The following SNTG1 variants were observed in gnomAD, a reference collection of about 807,000 sequenced individuals.
The protein encoded by SNTG1 is syntrophin gamma 1, also known as gamma-1-syntrophin.
In SNTG1, 39 loss-of-function variants were observed where a neutral mutation model predicts 74.7. That is an observed-to-expected ratio of 0.52 (90% confidence interval 0.40 to 0.68). SNTG1 has a LOEUF of 0.68. Among genes scored for constraint, SNTG1 ranks in the 30% least tolerant of loss-of-function variants. The pLI is 0.00. For synonymous variants in SNTG1, 254 were observed against 217.1 expected, an observed-to-expected ratio of 1.17 and a Z score of -1.49; for missense variants, 685 against 609.5, an observed-to-expected ratio of 1.12 and a Z score of -1.30.
intron 2 of SNTG1, among the ~76,000 whole-genome samples, chr8:50,221,497 CT>C (rs2085064320): frequency 6.9e-6 from 1 of 144,010 alleles, no homozygotes; most frequent in Non-Finnish European, 1.5e-5. Context: ...TCTGCTACCC[CT>C]CCCAACACAC....
rs957226663 is a variant in SNTG1, at chr8:50,155,543, T to A, written c.-102-17018T>A. Reference sequence around the variant, plus strand: ...TGACACTACAGAATTAAATAAGAGATAAAATATTCTATAATGTTTAGAAAT... The same window carrying A: ...TGACACTACAGAATTAAATAAGAGAAAAAATATTCTATAATGTTTAGAAAT... On this transcript the variant is annotated intron_variant, in intron 1 of 18. Coordinates refer to ENST00000642720, the MANE Select transcript of SNTG1 (RefSeq NM_018967.5). 2.6e-5 allele frequency among the ~76,000 whole-genome samples: 4 copies of A among 152,174 alleles called. No individual in the cohort carries two copies. The East Asian group carries it at 7.7e-4, about 29-fold the overall frequency.
chr8:50,359,919 GT>G (rs1427117749), intron 2 of SNTG1, among the ~76,000 whole-genome samples: 1 of 151,788 alleles, frequency 6.6e-6, no homozygotes, highest in Non-Finnish European at 1.5e-5. Flanking sequence ...CCACATGAGT[GT>G]GTTACAGATT....
At chr8:50,177,760 T>C (rs774956807) in intron 2 of SNTG1, among the ~76,000 whole-genome samples, 1 of 152,202 alleles carries the variant, frequency 6.6e-6, no homozygotes, top group African/African-American at 2.4e-5. Flanking sequence ...AAATGAGTGC[T>C]TTGTGTTGCA....
intron 2 of SNTG1, among the ~76,000 whole-genome samples, chr8:50,307,073 A>G (rs747356270): frequency 2.0e-5 from 3 of 152,014 alleles, no homozygotes; most frequent in Non-Finnish European, 4.4e-5. Context: ...TTTCATTTAT[A>G]TATGGTGTTT....
intron 1 of SNTG1, among the ~76,000 whole-genome samples, chr8:50,150,530 T>A (rs1301358604): frequency 6.6e-6 from 1 of 152,162 alleles, no homozygotes; most frequent in Non-Finnish European, 1.5e-5. Context: ...GGCTGTGGGT[T>A]TGTCATAAAT....
At position 50,598,543 on chromosome 8, in the gene SNTG1, G is replaced by T. The variant is rs111229506; in HGVS notation, c.849+7626G>T. ...CCTTAACTTTGTTCTTTGTGTTCAAGATGGCTTTGACTACTGGGAGTCTTT... is the reference window on the plus strand; with the variant it reads ...CCTTAACTTTGTTCTTTGTGTTCAATATGGCTTTGACTACTGGGAGTCTTT... On this transcript the variant is annotated intron_variant, in intron 13 of 18. Transcript: ENST00000642720. Among the ~76,000 whole-genome samples, 1,218 of 151,954 alleles carry T rather than the reference G, an allele frequency of 8.0e-3. 15 individuals carry two copies. The highest frequency in any genetic ancestry group is 0.027 in the African/African-American group (1,112 of 41,512).
intron 1 of SNTG1, among the ~76,000 whole-genome samples, chr8:50,073,864 T>G (rs1821591374): frequency 6.6e-6 from 1 of 151,178 alleles, no homozygotes; most frequent in African/African-American, 2.4e-5. Context: ...AACAGTGGGC[T>G]TAAAATATTT....
intron 2 of SNTG1, among the ~76,000 whole-genome samples, chr8:50,178,783 C>G (rs567333245): frequency 1.3e-5 from 2 of 152,268 alleles, no homozygotes; most frequent in South Asian, 4.1e-4. Flanking sequence ...CTGATGTTAT[C>G]TCTGTGTGAC....
At chr8:50,230,539 T>TAAGG (rs1276567745) in intron 2 of SNTG1, among the ~76,000 whole-genome samples, 1 of 151,296 alleles carries the variant, frequency 6.6e-6, no homozygotes, top group Non-Finnish European at 1.5e-5. Flanking sequence ...TTATTACTAT[T>TAAGG]AAGGAAATAG....
intron 2 of SNTG1, among the ~76,000 whole-genome samples, chr8:50,196,228 A>C (rs2083763176): frequency 6.6e-6 from 1 of 152,130 alleles, no homozygotes; most frequent in Non-Finnish European, 1.5e-5. Flanking sequence ...AAAGCACTTA[A>C]ATAATTGTCA....
intron 10 of SNTG1, among the ~76,000 whole-genome samples, chr8:50,530,899 A>G (rs993457422): frequency 3.3e-5 from 5 of 152,210 alleles, no homozygotes; most frequent in African/African-American, 9.6e-5. Flanking sequence ...ACACTCACAC[A>G]TTCTTAAAGA....
At position 50,166,566 on chromosome 8, in the gene SNTG1, T is replaced by A. The variant is rs1243261429; in HGVS notation, c.-102-5995T>A. Among the ~76,000 whole-genome samples, 108 of 41,782 alleles carry A rather than the reference T, an allele frequency of 2.6e-3. 3 individuals are homozygous for A. The highest frequency in any genetic ancestry group is 0.012 in the African/African-American group (97 of 7,886). The allele number at this position is 41,782 out of a possible 152,430, so 27.4% of individuals were successfully genotyped here. ...TCAGAGAAATGCAAATCAAAACCAC[T>A]ATGAGATATCATCTCACACCAGTTA... On this transcript the variant is annotated intron_variant, in intron 1 of 18. Transcript: ENST00000642720.
intron 8 of SNTG1, among the ~76,000 whole-genome samples, chr8:50,491,823 A>C (rs2093857388): frequency 6.6e-6 from 1 of 151,940 alleles, no homozygotes; most frequent in South Asian, 2.1e-4. Context: ...GGTTTGCTGC[A>C]CCCATCAACC....
intron 1 of SNTG1, among the ~76,000 whole-genome samples, chr8:50,023,761 A>G (rs1047045327): frequency 6.6e-6 from 1 of 152,178 alleles, no homozygotes; most frequent in Admixed American, 6.5e-5. Flanking sequence ...ATATTTAGTA[A>G]GTCAATCTTC....
At chr8:50,730,998 A>C (rs186377859) in intron 17 of SNTG1, among the ~76,000 whole-genome samples, 5 of 152,348 alleles carry the variant, frequency 3.3e-5, no homozygotes, top group South Asian at 2.1e-4. Flanking sequence ...TATTACTTCT[A>C]ATTTACAGTA....
chr8:50,686,398 A>T (rs952502752), intron 15 of SNTG1, among the ~76,000 whole-genome samples: 33 of 152,314 alleles, frequency 2.2e-4, no homozygotes, highest in African/African-American at 7.5e-4. Context: ...AATTATAGCC[A>T]ACTTTGGTGG....
intron 2 of SNTG1, among the ~76,000 whole-genome samples, chr8:50,354,373 G>A (rs1042473003): frequency 1.3e-5 from 2 of 152,114 alleles, no homozygotes; most frequent in African/African-American, 2.4e-5. Context: ...ATCACATAGA[G>A]TTGGAAATAC....
intron 18 of SNTG1, among the ~76,000 whole-genome samples, chr8:50,757,228 G>A (rs1313881818): frequency 6.6e-6 from 1 of 151,580 alleles, no homozygotes; most frequent in Non-Finnish European, 1.5e-5. Flanking sequence ...TTCTTCTTTA[G>A]CCTGTTGATT....
intron 2 of SNTG1, among the ~76,000 whole-genome samples, chr8:50,246,403 C>G (rs1039832061): frequency 3.9e-5 from 6 of 151,930 alleles, no homozygotes; most frequent in African/African-American, 1.5e-4. Context: ...ATGATGATAC[C>G]AGCCATTTAG....
Sources: allele counts gnomAD v4.1 joint callset (sites outside exome capture counted in the v4.1 genomes callset), GRCh38; gene constraint gnomAD v4.1.1; transcripts MANE v1.5; gene names NCBI Gene and HGNC (gene_info 2026-07-23, HGNC 2026-07-21).